KIAA1328: variants seen among roughly 807,000 people sequenced by gnomAD.
KIAA1328 encodes the protein protein hinderin.
In KIAA1328, 52 loss-of-function variants were observed where a neutral mutation model predicts 68.1. That is an observed-to-expected ratio of 0.76 (90% CI 0.61 to 0.96). The LOEUF (loss-of-function observed/expected upper bound fraction) is 0.96. Among genes scored for constraint, KIAA1328 ranks in the 40% least tolerant of loss-of-function variants. KIAA1328 has a pLI of 0.00. For missense variants in KIAA1328, 641 were observed against 677.6 expected, an observed-to-expected ratio of 0.95 and a Z score of 0.60; for synonymous variants, 232 against 239.4, an observed-to-expected ratio of 0.97 and a Z score of 0.28.
chr18:37,028,409 G>GT (rs1392701372), intron 6 of KIAA1328, among the ~76,000 whole-genome samples: 1 of 151,900 alleles, frequency 6.6e-6, no homozygotes. Context: ...TGTTGAAGTT[G>GT]TTTATCTAGG....
intron 6 of KIAA1328, among the ~76,000 whole-genome samples, chr18:36,960,327 C>A (rs1027698772): frequency 6.6e-6 from 1 of 152,360 alleles, no homozygotes; most frequent in South Asian, 2.1e-4. Context: ...ATGGAGCCCA[C>A]CGCAGCTCAG....
At chr18:36,834,032 TAA>T (rs893271571) in intron 1 of KIAA1328, among the ~76,000 whole-genome samples, 8 of 152,242 alleles carry the variant, frequency 5.3e-5, no homozygotes, top group African/African-American at 1.9e-4. Context: ...TGAGAGTGGA[TAA>T]AAGTTTCATG....
intron 4 of KIAA1328, among the ~76,000 whole-genome samples, chr18:36,872,430 C>T (rs1394778343): frequency 2.0e-5 from 3 of 152,098 alleles, no homozygotes; most frequent in Admixed American, 2.0e-4. Flanking sequence ...AGAGGAAACT[C>T]ATAAAGCTGA....
In KIAA1328 at chr18:37,179,925, A is replaced by G. The variant is rs953087849; in HGVS notation, c.1523+6844A>G. ...GGTCAGACACTATTTCGTTTCCCAT[A>G]TCACACTGCCAGTAACCATTCAAAT... On this transcript the variant is annotated intron_variant, in intron 9 of 9. Transcript: ENST00000280020. Among the ~76,000 whole-genome samples, 16 of 151,978 alleles carry G rather than the reference A, an allele frequency of 1.1e-4. No homozygotes were observed. The South Asian group carries it at 2.9e-3, about 28-fold the overall frequency.
At chr18:36,878,115 AT>A (rs937438165) in intron 4 of KIAA1328, among the ~76,000 whole-genome samples, 22 of 152,172 alleles carry the variant, frequency 1.4e-4, no homozygotes, top group Non-Finnish European at 2.6e-4. Context: ...TGGTCTTCAC[AT>A]TTTGGTATGT....
At chr18:37,147,908 T>C (rs995768901) in intron 7 of KIAA1328, among the ~76,000 whole-genome samples, 9 of 152,180 alleles carry the variant, frequency 5.9e-5, no homozygotes, top group Admixed American at 5.2e-4. Context: ...TAGCCTATTA[T>C]AGACCTAGGC....
chr18:37,178,573 G>T (rs938231922), intron 9 of KIAA1328, among the ~76,000 whole-genome samples: 6 of 150,962 alleles, frequency 4.0e-5, no homozygotes, highest in African/African-American at 1.5e-4. Context: ...TGACATACCG[G>T]TTTCATTTCC....
intron 1 of KIAA1328, among the ~76,000 whole-genome samples, chr18:36,830,890 C>T (rs1045664356): frequency 1.3e-5 from 2 of 152,196 alleles, no homozygotes; most frequent in Admixed American, 6.5e-5. Flanking sequence ...CTAGTGTCAC[C>T]TTTCCCCTCA....
intron 6 of KIAA1328, among the ~76,000 whole-genome samples, chr18:37,046,312 A>C (rs2055466799): frequency 6.6e-6 from 1 of 152,164 alleles, no homozygotes; most frequent in African/African-American, 2.4e-5. Flanking sequence ...TTAATGTTTG[A>C]TGTTAGTTTT....
chr18:36,872,464 A>C (rs955930573), intron 4 of KIAA1328, among the ~76,000 whole-genome samples: 1 of 152,168 alleles, frequency 6.6e-6, no homozygotes, highest in African/African-American at 2.4e-5. Context: ...ATTGAGAAGG[A>C]ATATCTGGCC....
At chr18:36,922,745 A>G (rs1033580832) in intron 5 of KIAA1328, among the ~76,000 whole-genome samples, 12 of 152,288 alleles carry the variant, frequency 7.9e-5, no homozygotes, top group African/African-American at 2.6e-4. Flanking sequence ...AAGAAGGTGG[A>G]TCATTTAGTA....
At chr18:37,216,606 G>C (rs1045008920) in intron 9 of KIAA1328, among the ~76,000 whole-genome samples, 2 of 152,200 alleles carry the variant, frequency 1.3e-5, no homozygotes, top group African/African-American at 4.8e-5. Context: ...TGTATATTCT[G>C]TTGATTTGGG....
intron 7 of KIAA1328, among the ~76,000 whole-genome samples, chr18:37,087,260 A>G (rs2057132422): frequency 1.3e-5 from 2 of 151,768 alleles, no homozygotes; most frequent in Non-Finnish European, 2.9e-5. Context: ...GGGTTTTGCC[A>G]TGTTACCCAG....
chr18:37,193,587 C>T (rs2154217898), intron 9 of KIAA1328: 3 of 702,514 alleles, frequency 4.3e-6, no homozygotes, highest in East Asian at 2.7e-5. Context: ...TTATTTATTC[C>T]TAGCCCAGGA....
intron 7 of KIAA1328, among the ~76,000 whole-genome samples, chr18:37,089,873 T>A (rs2057220409): frequency 6.6e-6 from 1 of 152,318 alleles, no homozygotes; most frequent in Non-Finnish European, 1.5e-5. Context: ...TCAAACAAAC[T>A]AACTAAAAAA....
chr18:36,834,816 G>C (rs980825452), intron 2 of KIAA1328, among the ~76,000 whole-genome samples: 7 of 151,962 alleles, frequency 4.6e-5, no homozygotes, highest in African/African-American at 1.5e-4. Context: ...CATATATTTG[G>C]CATATCGTAA....
At chr18:36,937,572 A>T (rs1195958394) in intron 5 of KIAA1328, among the ~76,000 whole-genome samples, 1 of 152,232 alleles carries the variant, frequency 6.6e-6, no homozygotes, top group East Asian at 1.9e-4. Flanking sequence ...TCTCAAAAGA[A>T]GACATTCATA....
chr18:36,969,957 T>G (rs2151313453), intron 6 of KIAA1328, among the ~76,000 whole-genome samples: 1 of 152,320 alleles, frequency 6.6e-6, no homozygotes, highest in Middle Eastern at 3.4e-3. Flanking sequence ...ACTCATTTTG[T>G]GAGGCCAGCA....
intron 4 of KIAA1328, among the ~76,000 whole-genome samples, chr18:36,864,618 C>A (rs1236032167): frequency 5.6e-5 from 5 of 88,844 alleles, no homozygotes; most frequent in Admixed American, 2.5e-4. Flanking sequence ...TTTGTACTGT[C>A]TTGGTCTGTT....
Sources: allele counts gnomAD v4.1 joint callset (sites outside exome capture counted in the v4.1 genomes callset), GRCh38; gene constraint gnomAD v4.1.1; transcripts MANE v1.5; gene names NCBI Gene and HGNC (gene_info 2026-07-23, HGNC 2026-07-21).